Variants in BTN3A3 observed in about 807,000 individuals in gnomAD.
The protein encoded by BTN3A3 is butyrophilin 3.
BTN3A3 carries 39 observed loss-of-function variants against 43.2 expected under a neutral mutation model. The ratio of observed to expected loss-of-function variants is 0.90; its 90% CI spans 0.70 to 1.18. The LOEUF is 1.18. Among genes scored for constraint, BTN3A3 ranks in the 50% most tolerant of loss-of-function variants. BTN3A3 has a pLI of 0.00. For synonymous variants in BTN3A3, 255 were observed against 272.7 expected (o/e 0.93, Z 0.64); for missense variants, 631 against 722.8 (o/e 0.87, Z 1.46).
At position 26,453,084 on chromosome 6, in the gene BTN3A3, T is replaced by C. The variant is rs764431031; in HGVS notation, c.*673T>C. ...GTTCCCACCCAACAAATGTGATAAG[T>C]GATTGTGCAGCCAGAGCCAGCCTTC... On this transcript the variant is annotated 3_prime_UTR_variant, in exon 11 of 11. Coordinates refer to ENST00000244519, the MANE Select transcript of BTN3A3 (RefSeq NM_006994.5). The C allele has an allele frequency of 2.6e-5, 4 of 152,136 alleles. No individual in the cohort carries two copies. The highest frequency in any genetic ancestry group is 5.9e-5 in the Non-Finnish European group (4 of 68,036). 9.4% of individuals were successfully genotyped at this position (152,136 alleles called of 1,614,324 possible).
At position 26,450,709 on chromosome 6, in the gene BTN3A3, G is replaced by A. The variant is rs530151179; in HGVS notation, c.1018+576G>A. Among the ~76,000 whole-genome samples, 23 of 152,274 alleles carry A rather than the reference G, an allele frequency of 1.5e-4. No individual in the cohort carries two copies. The South Asian group carries it at 4.6e-3, about 30-fold the overall frequency. On this transcript the variant is annotated intron_variant, in intron 10 of 10. Coordinates refer to ENST00000244519, the MANE Select transcript of BTN3A3 (RefSeq NM_006994.5). ...AAAGGTTTGCGGAAAGGAGGGATAA[G>A]GGTAAGCAATAAGGAAAAGTGCAGT...
intron 1 of BTN3A3, among the ~76,000 whole-genome samples, chr6:26,442,907 A>G (rs1379513017): frequency 6.6e-6 from 1 of 152,248 alleles, no homozygotes; most frequent in Non-Finnish European, 1.5e-5. Flanking sequence ...TACCTTCTTT[A>G]TGTCCTTAAC....
At chr6:26,447,973 G>GA (rs1762825545) in intron 5 of BTN3A3, among the ~76,000 whole-genome samples, 1 of 152,088 alleles carries the variant, frequency 6.6e-6, no homozygotes, top group Non-Finnish European at 1.5e-5. Context: ...GTTACTGGTT[G>GA]AAAAAATATT....
At chr6:26,442,778 A>G (rs776760271) in intron 1 of BTN3A3, among the ~76,000 whole-genome samples, 1 of 152,204 alleles carries the variant, frequency 6.6e-6, no homozygotes, top group East Asian at 1.9e-4. Flanking sequence ...GCTGGACCCA[A>G]TTGTGCACAT....
intron 8 of BTN3A3, 103 bp from the exon 9 acceptor site, chr6:26,449,559 G>T (rs1029616349): frequency 8.0e-7 from 1 of 1,252,292 alleles, no homozygotes; most frequent in Non-Finnish European, 1.2e-6. Flanking sequence ...GGGAAGAGTG[G>T]AATGGTCAAA....
At chr6:26,449,818 T>C (rs2113842881) in intron 9 of BTN3A3, 130 bp downstream of exon 9, 1 of 1,219,674 alleles carries the variant, frequency 8.2e-7, no homozygotes, top group Non-Finnish European at 1.2e-6. Flanking sequence ...CAATTTTGCA[T>C]GGTAGGGGGT....
chr6:26,446,059 T>C (rs1191136132), intron 5 of BTN3A3, 74 bp downstream of exon 5: 10 of 1,586,736 alleles, frequency 6.3e-6, no homozygotes, highest in South Asian at 1.2e-5. Flanking sequence ...TGTGAGTCTC[T>C]ACTGTGTGAG....
intron 8 of BTN3A3, 77 bp downstream of exon 8, chr6:26,448,831 A>G (rs1268800800): frequency 1.7e-5 from 26 of 1,572,992 alleles, no homozygotes; most frequent in South Asian, 2.2e-5. Context: ...TTTCCAGCCC[A>G]TAAGTCTTTG....
rs768829818 is a variant in BTN3A3, at chr6:26,452,193, C to A, written c.1537C>A (p.Pro513Thr). 4 of 1,614,068 alleles carry A rather than the reference C, an allele frequency of 2.5e-6. No individual in the cohort carries two copies. The South Asian group carries it at 4.4e-5, about 18-fold the overall frequency. Residue 513 changes from proline to threonine, a missense_variant, in exon 11 of 11, where the codon CCA becomes ACA. Transcript: ENST00000244519. ...GGAGCCCACTGCCCTGACCATTTGCCCAATACCAAAAGAAGTAGAGAGTTC... is the reference window on the plus strand; with the variant it reads ...GGAGCCCACTGCCCTGACCATTTGCACAATACCAAAAGAAGTAGAGAGTTC... ...TLEPTALTIC[P>T]IPKEVESSPD...
In BTN3A3 at chr6:26,449,688, G is replaced by A; in HGVS notation, c.991G>A (p.Glu331Lys). 2 of 1,614,218 alleles carry A rather than the reference G, an allele frequency of 1.2e-6. No individual in the cohort carries two copies. The highest frequency in any genetic ancestry group is 1.7e-6 in the Non-Finnish European group (2 of 1,180,022). The change falls in exon 9 of 11, where the codon GAA (glutamate) becomes AAA (lysine). Residue 331 changes from glutamate (E) to lysine (K), a missense_variant and splice_region_variant. Transcript: ENST00000244519. ...ARGEKSLAYH[E>K]WKMALFKPAD... The stretch of plus-strand genomic sequence containing the variant: ...TGGAGAGAAGTCTTTGGCCTATCAT[G>A]GTGAGTGAGCCTGATGCTCTCTGGG...
chr6:26,441,761 G>C (rs1298201432), intron 1 of BTN3A3, among the ~76,000 whole-genome samples: 1 of 151,960 alleles, frequency 6.6e-6, no homozygotes, highest in Non-Finnish European at 1.5e-5. Context: ...AAACCCCTGG[G>C]CTCAAGGAAT....
chr6:26,448,166 C>T, intron 5 of BTN3A3, 82 bp from the exon 6 acceptor site: 1 of 1,493,198 alleles, frequency 6.7e-7, no homozygotes, highest in Non-Finnish European at 9.0e-7. Flanking sequence ...CCAACCTGGG[C>T]TGAGCAGCTA....
chr6:26,449,450 A>G, intron 8 of BTN3A3: 1 of 605,904 alleles, frequency 1.7e-6, no homozygotes, highest in Non-Finnish European at 3.0e-6. Context: ...AGGAACTCTC[A>G]CAGTGACTGC....
chr6:26,442,440 G>A (rs1190934090), intron 1 of BTN3A3, among the ~76,000 whole-genome samples: 10 of 152,150 alleles, frequency 6.6e-5, no homozygotes, highest in Middle Eastern at 3.2e-3. Context: ...TTTTTCAGGC[G>A]TTTACATCTA....
At chr6:26,451,584 C>G (rs1426183640) in intron 10 of BTN3A3, 91 bp from the exon 11 acceptor site, 11 of 1,515,900 alleles carry the variant, frequency 7.3e-6, no homozygotes, top group African/African-American at 7.0e-5. Context: ...CTGGAAGGAC[C>G]TCCTTAGCAT....
chr6:26,445,827 A>G lies in BTN3A3; in HGVS notation c.557A>G (p.Asn186Ser), dbSNP rs1227117747. 4 of 1,614,198 alleles carry G rather than the reference A, an allele frequency of 2.5e-6. No individual in the cohort carries two copies. The Admixed American group carries it at 6.7e-5, about 27-fold the overall frequency. Residue 186 changes from asparagine (N) to serine (S), a missense_variant, in exon 5 of 11, where the codon AAC becomes AGC. By Grantham distance (46) the Asn-to-Ser change is conservative. Around this residue, in one of 2 missense-constraint regions of BTN3A3, gnomAD observed 551 missense variants for 584.0 expected, o/e 0.94. Transcript: ENST00000244519. ...QIKWSDTKGE[N>S]IPAVEAPVVA... Reference sequence around the variant, plus strand: ...AAGTGGAGCGACACCAAGGGAGAGAACATCCCGGCTGTGGAAGCACCTGTG... The same window carrying G: ...AAGTGGAGCGACACCAAGGGAGAGAGCATCCCGGCTGTGGAAGCACCTGTG...
In BTN3A3 at chr6:26,448,250, C is replaced by G. The variant is rs41266843; in HGVS notation, c.718C>G (p.Pro240Ala). Reference sequence around the variant, plus strand: ...ACCCACAGCTCTCCCCTTCGCAGACCCCTTCTTCAGGAGCGCCCAGCCCTG... The same window carrying G: ...ACCCACAGCTCTCCCCTTCGCAGACGCCTTCTTCAGGAGCGCCCAGCCCTG... ...EKTASISIAD[P>A]FFRSAQPWIA... Residue 240 changes from proline to alanine, a missense_variant and splice_region_variant, in exon 6 of 11, where the codon CCC (proline) becomes GCC (alanine). This residue lies in a region of BTN3A3 where 551 missense variants were observed against 584.0 expected (regional missense o/e 0.94). Transcript: ENST00000244519. 399 of 1,613,262 alleles carry G rather than the reference C, an allele frequency of 2.5e-4. 2 individuals carry two copies. The highest frequency in any genetic ancestry group is 3.2e-4 in the Non-Finnish European group (381 of 1,179,856).
rs746040086 is a variant in BTN3A3 at position 26,448,596 on chromosome 6, CT to C, written c.917-14del. On this transcript the variant is annotated intron_variant, in intron 6 of 10. Transcript: ENST00000244519. ...CCCATAACTGTTCTTTTTTTCTTTT[CT>C]TTTTTTGCTTATTTTCCAGAGAAGC... 3.7e-6 allele frequency: 6 copies of C among 1,613,182 alleles called. No homozygotes were observed. Among genetic ancestry groups the C allele is most frequent in the Non-Finnish European group, 5.1e-6 (6 of 1,179,778 alleles).
Position 26,452,680 on chromosome 6 carries a change from T to C in BTN3A3, c.*269T>C. On this transcript the variant is annotated 3_prime_UTR_variant, in exon 11 of 11. Transcript: ENST00000244519. ...GTCGGGTAGTCATATTTTGCAAGTA[T>C]GGAAGCTGAGGCAGGGCAACATGAA... 1 of 399,944 alleles carries C rather than the reference T, an allele frequency of 2.5e-6. No homozygotes were observed. Among genetic ancestry groups the C allele is most frequent in the Non-Finnish European group, 4.5e-6 (1 of 223,642 alleles). The allele number at this position is 399,944 out of a possible 1,614,324, so 24.8% of individuals were successfully genotyped here.
Sources: allele counts gnomAD v4.1 joint callset (sites outside exome capture counted in the v4.1 genomes callset), GRCh38; gene constraint gnomAD v4.1.1; regional missense constraint gnomAD v4.1.1; transcripts MANE v1.5; gene names NCBI Gene and HGNC (gene_info 2026-07-23, HGNC 2026-07-21).